EPHA4: variants seen among roughly 807,000 people sequenced by gnomAD.
EPHA4 encodes EPH receptor A4, also known as ephrin type-A receptor 4.
In EPHA4, 19 loss-of-function variants were observed where a neutral mutation model predicts 108.3. The observed-to-expected ratio is 0.18, with a 90% CI of 0.12 to 0.26. EPHA4 has a LOEUF of 0.26. EPHA4 is among the 10% of genes least tolerant of loss of function. EPHA4 has a pLI of 1.00. For synonymous variants in EPHA4, 449 were observed against 455.5 expected, an observed-to-expected ratio of 0.99 and a Z score of 0.18; for missense variants, 917 against 1,254.0, an observed-to-expected ratio of 0.73 and a Z score of 4.06.
chr2:221,564,364 T>G lies in EPHA4; in HGVS notation c.190A>C (p.Asn64His), dbSNP rs1253658594. ...WEEVSIMDEK[N>H]TPIRTYQVCN... is the part of the protein sequence containing the mutation. The stretch of plus-strand genomic sequence containing the variant: ...ACTTGGTAGGTTCGGATTGGTGTAT[T>G]TTTTTCATCCATGATACTCACTTCC... Residue 64 changes from asparagine to histidine, a missense_variant, in exon 3 of 18, where the codon AAT (asparagine) becomes CAT (histidine). Physicochemically the swap from Asn to His is moderately conservative, Grantham distance 68. This residue lies in a region of EPHA4 where 758 missense variants were observed against 1,076.7 expected (regional missense o/e 0.70). Transcript: ENST00000281821. 6.2e-7 allele frequency: 1 copy of G among 1,612,708 alleles called. No individual in the cohort carries two copies.
At chr2:221,456,822 GCTTA>G (rs892014117) in intron 6 of EPHA4, 50 bp from the exon 7 acceptor site, 5 of 1,603,026 alleles carry the variant, frequency 3.1e-6, no homozygotes, top group Non-Finnish European at 4.3e-6. Flanking sequence ...TAAATCTCCT[GCTTA>G]CTTACTAGGT....
intron 3 of EPHA4, among the ~76,000 whole-genome samples, chr2:221,534,868 T>C (rs1013455965): frequency 1.3e-5 from 2 of 152,332 alleles, no homozygotes; most frequent in South Asian, 2.1e-4. Flanking sequence ...GCTCTTCACT[T>C]GAGCATCTAC....
rs776511235 is a variant in EPHA4, at chr2:221,442,890, G to A, written c.2013C>T (p.Ala671=). ...DKQRRDFLSE[A]SIMGQFDHPN... ...GATGGTCAAACTGTCCCATGATGCT[G>A]GCCTCACTCAGGAAGTCTCTCCTCT... The change falls in exon 11 of 18, where the codon GCC becomes GCT. Residue 671 remains alanine (A), a synonymous_variant. Transcript: ENST00000281821. 2 of 1,614,022 alleles carry A rather than the reference G, an allele frequency of 1.2e-6. No homozygotes were observed. The highest frequency in any genetic ancestry group is 2.7e-5 in the African/African-American group (2 of 74,926).
intron 3 of EPHA4, among the ~76,000 whole-genome samples, chr2:221,507,295 A>G (rs958544151): frequency 1.3e-5 from 2 of 152,206 alleles, no homozygotes; most frequent in Non-Finnish European, 2.9e-5. Flanking sequence ...CTTTTCATCA[A>G]CTGTCTTACT....
chr2:221,494,425 G>GA (rs749044831), intron 4 of EPHA4, among the ~76,000 whole-genome samples: 20 of 152,112 alleles, frequency 1.3e-4, no homozygotes, highest in Non-Finnish European at 1.9e-4. Context: ...TCAACATAGC[G>GA]AAACCCAGGC....
chr2:221,521,035 A>G (rs1693150321), intron 3 of EPHA4, among the ~76,000 whole-genome samples: 1 of 152,222 alleles, frequency 6.6e-6, no homozygotes, highest in Admixed American at 6.5e-5. Flanking sequence ...AGAAAACAAC[A>G]TTTAAAACTA....
At chr2:221,443,837 C>G (rs571229570) in intron 9 of EPHA4, among the ~76,000 whole-genome samples, 1 of 152,198 alleles carries the variant, frequency 6.6e-6, no homozygotes, top group Non-Finnish European at 1.5e-5. Flanking sequence ...CTTCACACTT[C>G]AAGGACAAGA....
intron 17 of EPHA4, among the ~76,000 whole-genome samples, chr2:221,422,873 A>G (rs1416498812): frequency 6.6e-6 from 1 of 152,336 alleles, no homozygotes; most frequent in South Asian, 2.1e-4. Flanking sequence ...CAAAACAATA[A>G]TTTTATAAAT....
intron 3 of EPHA4, among the ~76,000 whole-genome samples, chr2:221,562,215 T>C (rs1345368937): frequency 6.6e-6 from 1 of 152,054 alleles, no homozygotes; most frequent in East Asian, 1.9e-4. Context: ...TCCTTTTTTT[T>C]TTTTTGAATT....
chr2:221,549,857 G>A (rs1406229765), intron 3 of EPHA4, among the ~76,000 whole-genome samples: 2 of 152,212 alleles, frequency 1.3e-5, no homozygotes, highest in African/African-American at 4.8e-5. Flanking sequence ...CAGTCATGGT[G>A]GCATGTGCCT....
intron 3 of EPHA4, among the ~76,000 whole-genome samples, chr2:221,553,493 T>C (rs1053994916): frequency 1.3e-5 from 2 of 152,148 alleles, no homozygotes; most frequent in Non-Finnish European, 2.9e-5. Flanking sequence ...TAGGAGGAAA[T>C]CAGTATTCTG....
intron 3 of EPHA4, among the ~76,000 whole-genome samples, chr2:221,510,914 C>T (rs567020041): frequency 6.6e-6 from 1 of 152,182 alleles, no homozygotes; most frequent in South Asian, 2.1e-4. Flanking sequence ...GAGTAACTTC[C>T]ACTGTCATAA....
intron 3 of EPHA4, among the ~76,000 whole-genome samples, chr2:221,560,082 T>A (rs1235840443): frequency 6.6e-6 from 1 of 151,892 alleles, no homozygotes; most frequent in African/African-American, 2.4e-5. Flanking sequence ...AGGGTTAGAG[T>A]CAAACAACAG....
At chr2:221,483,649 GA>G (rs1220689144) in intron 4 of EPHA4, among the ~76,000 whole-genome samples, 6 of 151,982 alleles carry the variant, frequency 3.9e-5, no homozygotes, top group African/African-American at 1.2e-4. Context: ...CCAAGTAGCT[GA>G]AAATACAGGT....
At chr2:221,501,254 T>C (rs73089618) in intron 3 of EPHA4, 82 bp from the exon 4 acceptor site, 24,461 of 1,269,782 alleles carry the variant, frequency 0.019, 827 homozygotes, top group African/African-American at 0.097. Flanking sequence ...CCTCCTTGTT[T>C]CAGAAGAAGG....
chr2:221,525,781 C>T (rs1384827587), intron 3 of EPHA4, among the ~76,000 whole-genome samples: 1 of 151,960 alleles, frequency 6.6e-6, no homozygotes, highest in African/African-American at 2.4e-5. Context: ...CTGAGATTCT[C>T]TGAAAAAAAA....
In EPHA4 at chr2:221,443,487, A is replaced by G. The variant is rs774478920; in HGVS notation, c.1888+6T>C. ...CTCATTAGCAGACGGACACTCAGAC[A>G]CTTACCAACTCCTATAACTTTTTCA... On this transcript the variant is annotated splice_donor_region_variant and intron_variant, in intron 10 of 17. Transcript: ENST00000281821. The G allele has an allele frequency of 6.2e-7, 1 of 1,606,770 alleles. No individual in the cohort carries two copies. The highest frequency in any genetic ancestry group is 1.7e-5 in the Admixed American group (1 of 59,978).
At chr2:221,515,831 A>G (rs2106169196) in intron 3 of EPHA4, among the ~76,000 whole-genome samples, 1 of 152,284 alleles carries the variant, frequency 6.6e-6, no homozygotes, top group South Asian at 2.1e-4. Flanking sequence ...TAATAATAAT[A>G]AAAGACATAG....
rs1261733224 is a variant in EPHA4 at position 221,521,951 on chromosome 2, T to C, written c.824-20779A>G. ...AAGATTGTGCCACTGCATTCCAGCC[T>C]GGGTGACAGAGCAAGACTCCATCTC... On this transcript the variant is annotated intron_variant, in intron 3 of 17. Transcript: ENST00000281821. Among the ~76,000 whole-genome samples the C allele has an allele frequency of 3.3e-5, 5 of 152,124 alleles. No homozygotes were observed. The East Asian group carries it at 9.6e-4, about 29-fold the overall frequency.
Sources: allele counts gnomAD v4.1 joint callset (sites outside exome capture counted in the v4.1 genomes callset), GRCh38; gene constraint gnomAD v4.1.1; regional missense constraint gnomAD v4.1.1; transcripts MANE v1.5; gene names NCBI Gene and HGNC (gene_info 2026-07-23, HGNC 2026-07-21).